The following FSTL5 variants were observed in gnomAD, a reference collection of about 807,000 sequenced individuals.
FSTL5 encodes follistatin-related protein 5.
Under a neutral mutation model 89.1 loss-of-function variants are expected in FSTL5, and 62 were observed. The observed-to-expected ratio is 0.70, with a 90% confidence interval of 0.57 to 0.86. The LOEUF (loss-of-function observed/expected upper bound fraction) is 0.86, where lower values mean the gene tolerates loss of function less well. Among genes scored for constraint, FSTL5 ranks in the 40% least tolerant of loss-of-function variants. The pLI is 0.00. For synonymous variants in FSTL5, 383 were observed against 346.2 expected (o/e 1.11, Z -1.18); for missense variants, 1,057 against 1,001.6 (o/e 1.06, Z -0.75).
At chr4:162,038,355 A>G (rs1249424964) in intron 2 of FSTL5, among the ~76,000 whole-genome samples, 3 of 151,704 alleles carry the variant, frequency 2.0e-5, no homozygotes, top group Non-Finnish European at 4.4e-5. Context: ...TTTAGCAGAC[A>G]GTATGATAAA....
chr4:161,790,221 C>A (rs1355400908), intron 4 of FSTL5, among the ~76,000 whole-genome samples: 3 of 152,126 alleles, frequency 2.0e-5, no homozygotes, highest in East Asian at 3.9e-4. Context: ...TTTGAAATAT[C>A]TTTTTCAAAT....
intron 6 of FSTL5, among the ~76,000 whole-genome samples, chr4:161,722,914 G>T (rs1739264123): frequency 6.6e-6 from 1 of 152,040 alleles, no homozygotes; most frequent in Non-Finnish European, 1.5e-5. Context: ...TTTATTAAAA[G>T]TATTCAGTAA....
chr4:161,825,225 A>G (rs1363951747), intron 4 of FSTL5, among the ~76,000 whole-genome samples: 1 of 152,170 alleles, frequency 6.6e-6, no homozygotes, highest in Non-Finnish European at 1.5e-5. Flanking sequence ...CCATCCCTGC[A>G]TTCCTGGTAT....
intron 2 of FSTL5, among the ~76,000 whole-genome samples, chr4:162,110,683 T>G (rs1731400748): frequency 6.6e-6 from 1 of 151,606 alleles, no homozygotes; most frequent in Admixed American, 6.6e-5. Context: ...CTTAATTTAT[T>G]ATAAGTATTT....
intron 10 of FSTL5, among the ~76,000 whole-genome samples, chr4:161,526,743 A>G (rs961523801): frequency 3.9e-5 from 6 of 152,110 alleles, no homozygotes; most frequent in African/African-American, 1.2e-4. Context: ...GTTTGTCAAA[A>G]ATCAGATAGT....
At chr4:161,567,148 T>C (rs1347868044) in intron 8 of FSTL5, among the ~76,000 whole-genome samples, 1 of 152,102 alleles carries the variant, frequency 6.6e-6, no homozygotes, top group East Asian at 1.9e-4. Context: ...CATTGTACTA[T>C]TTTAAATTGA....
At chr4:161,631,532 A>C (rs1177719274) in intron 7 of FSTL5, among the ~76,000 whole-genome samples, 3 of 152,164 alleles carry the variant, frequency 2.0e-5, no homozygotes, top group South Asian at 2.1e-4. Context: ...CAAGAGAGTC[A>C]CTTGAACCCA....
intron 6 of FSTL5, among the ~76,000 whole-genome samples, chr4:161,734,701 C>T (rs1010616898): frequency 2.6e-5 from 4 of 152,120 alleles, no homozygotes; most frequent in South Asian, 2.1e-4. Context: ...AAAACTTCAA[C>T]GAACTGTGTT....
chr4:161,732,804 G>T (rs538040460), intron 6 of FSTL5, among the ~76,000 whole-genome samples: 1 of 151,382 alleles, frequency 6.6e-6, no homozygotes, highest in Non-Finnish European at 1.5e-5. Flanking sequence ...ATCAACTGAC[G>T]TTATCTGCTT....
intron 8 of FSTL5, among the ~76,000 whole-genome samples, chr4:161,563,521 C>G (rs1439753268): frequency 6.6e-6 from 1 of 151,890 alleles, no homozygotes; most frequent in Non-Finnish European, 1.5e-5. Context: ...TTCATGTCAG[C>G]CTCCATTTTT....
intron 3 of FSTL5, among the ~76,000 whole-genome samples, chr4:161,941,349 G>T (rs184412524): frequency 8.8e-4 from 134 of 151,928 alleles, no homozygotes; most frequent in Admixed American, 1.8e-3. Flanking sequence ...AAAAGGAAGG[G>T]ATTGGCAGAA....
At chr4:161,869,563 A>G (rs1270115833) in intron 4 of FSTL5, among the ~76,000 whole-genome samples, 1 of 152,196 alleles carries the variant, frequency 6.6e-6, no homozygotes, top group Non-Finnish European at 1.5e-5. Context: ...TGCCCTCTAG[A>G]GAAAATTCAG....
intron 1 of FSTL5, among the ~76,000 whole-genome samples, chr4:162,145,084 C>T (rs1163200817): frequency 1.1e-5 from 1 of 93,060 alleles, no homozygotes; most frequent in East Asian, 3.1e-4. Context: ...TATTCATATA[C>T]ATACAATGAA....
intron 15 of FSTL5, among the ~76,000 whole-genome samples, chr4:161,388,591 C>T (rs1382606049): frequency 1.3e-4 from 20 of 151,968 alleles, no homozygotes; most frequent in Admixed American, 1.3e-3. Flanking sequence ...AATGGACAAC[C>T]ATTAAGGATG....
At chr4:161,618,713 G>C (rs879782661) in intron 7 of FSTL5, among the ~76,000 whole-genome samples, 3 of 152,056 alleles carry the variant, frequency 2.0e-5, no homozygotes, top group Admixed American at 2.0e-4. Flanking sequence ...ATGTGCTGCT[G>C]GATTCGTTTT....
intron 10 of FSTL5, among the ~76,000 whole-genome samples, chr4:161,514,251 AC>A (rs1730743763): frequency 6.6e-6 from 1 of 152,074 alleles, no homozygotes; most frequent in Non-Finnish European, 1.5e-5. Flanking sequence ...ATACACACAC[AC>A]AGACACAGAC....
At chr4:162,039,740 C>A (rs1737876279) in intron 2 of FSTL5, among the ~76,000 whole-genome samples, 1 of 151,740 alleles carries the variant, frequency 6.6e-6, no homozygotes, top group African/African-American at 2.4e-5. Flanking sequence ...ACTGGTATAT[C>A]GAATAAAGCC....
chr4:162,006,040 T>A (rs993022118), intron 3 of FSTL5, among the ~76,000 whole-genome samples: 8 of 152,056 alleles, frequency 5.3e-5, no homozygotes, highest in African/African-American at 1.9e-4. Flanking sequence ...GTGACAGCTA[T>A]ACACACATCT....
At chr4:162,036,346 T>C (rs911651137) in intron 2 of FSTL5, among the ~76,000 whole-genome samples, 2 of 152,078 alleles carry the variant, frequency 1.3e-5, no homozygotes, top group African/African-American at 4.8e-5. Context: ...TAGTCGTGCA[T>C]ATCCTTAGTG....
Sources: gnomAD v4.1 joint callset for allele counts (sites outside exome capture counted in the v4.1 genomes callset) on GRCh38, gnomAD v4.1.1 for gene constraint, MANE v1.5 for transcripts, NCBI Gene and HGNC (gene_info 2026-07-23, HGNC 2026-07-21) for gene names.